Variants in SMS observed in about 807,000 individuals in gnomAD.
The protein encoded by SMS is spermidine aminopropyltransferase.
A neutral mutation model predicts 33.0 loss-of-function variants in SMS; 3 were observed. The ratio of observed to expected loss-of-function variants is 0.09; its 90% CI spans 0.04 to 0.23. SMS has a LOEUF of 0.23. Ranked by LOEUF, SMS falls within the 10% of genes least tolerant of loss-of-function variation. The probability of loss-of-function intolerance (pLI) is 1.00; values close to 1 mark genes in which losing one functional copy is unlikely to be tolerated. For synonymous variants in SMS, 103 were observed against 112.2 expected, an observed-to-expected ratio of 0.92 and a Z score of 0.52; for missense variants, 117 against 288.6, an observed-to-expected ratio of 0.41 and a Z score of 4.31.
intron 1 of SMS, among the ~76,000 whole-genome samples, chrX:21,951,943 A>C (rs1922631947): frequency 8.9e-6 from 1 of 111,838 alleles, no homozygotes; most frequent in Middle Eastern, 4.6e-3. Flanking sequence ...CAACTGTGAT[A>C]CTGTCACAAG....
intron 1 of SMS, among the ~76,000 whole-genome samples, chrX:21,949,895 G>A (rs866823736): frequency 9.0e-6 from 1 of 110,538 alleles, no homozygotes; most frequent in South Asian, 3.9e-4. Flanking sequence ...GCTGATTCGG[G>A]ATTTCCAGAT....
At chrX:21,983,030 G>T (rs1925075285) in intron 7 of SMS, among the ~76,000 whole-genome samples, 1 of 111,041 alleles carries the variant, frequency 9.0e-6, no homozygotes, top group Non-Finnish European at 1.9e-5. Flanking sequence ...GGGAATTGTG[G>T]TGAACTTTTT....
intron 7 of SMS, among the ~76,000 whole-genome samples, chrX:21,983,590 C>G (rs1925129503): frequency 1.8e-5 from 2 of 111,567 alleles, no homozygotes; most frequent in African/African-American, 6.5e-5. Flanking sequence ...TTTATTGACT[C>G]TGATGGTGGG....
At chrX:21,969,959 A>G (rs1924014182) in intron 2 of SMS, among the ~76,000 whole-genome samples, 1 of 112,247 alleles carries the variant, frequency 8.9e-6, no homozygotes, top group Non-Finnish European at 1.9e-5. Flanking sequence ...AATTACAGGC[A>G]CTCACCACCA....
rs1045683511 is a variant in SMS at position 21,979,042 on chromosome X, A to C, written c.750+76A>C. The C allele has an allele frequency of 8.3e-6, 6 of 720,080 alleles. No homozygotes were observed. In the African/African-American group the frequency reaches 1.1e-4, roughly 13 times the overall value. 59.3% of individuals were successfully genotyped at this position (720,080 alleles called of 1,213,427 possible). ...ATTGATCAGAATTGTGCCTTATTAA[A>C]ACAGCTTTTAGTATAGTTGGTTGAG... On this transcript the variant is annotated intron_variant, in intron 7 of 10. Coordinates refer to ENST00000404933, the MANE Select transcript of SMS (RefSeq NM_004595.5).
chrX:21,978,752 T>G (rs778781155), intron 6 of SMS, 125 bp from the exon 7 acceptor site: 20 of 553,384 alleles, frequency 3.6e-5, no homozygotes, highest in Admixed American at 7.1e-5. Flanking sequence ...TCATTCATCA[T>G]TTTGTTAAAT....
At chrX:21,973,233 C>T (rs758781599) in intron 4 of SMS, among the ~76,000 whole-genome samples, 2 of 112,131 alleles carry the variant, frequency 1.8e-5, no homozygotes, top group East Asian at 5.6e-4. Context: ...GACTTCAGTT[C>T]GAGACCAGCC....
rs772346957 is a variant in SMS at position 21,957,182 on chromosome X, T to C, written c.50-10014T>C. Among the ~76,000 whole-genome samples the C allele has an allele frequency of 1.2e-4, 13 of 107,615 alleles. No individual in the cohort carries two copies. The South Asian group carries it at 5.4e-3, about 45-fold the overall frequency. The allele number at this position is 107,615 out of a possible 115,157, so 93.5% of individuals were successfully genotyped here. ...TTTTTTTTTTTTTTGCATAAGAATGTATGTATTAGTTTTCTATTGCTGTAC... is the reference window on the plus strand; with the variant it reads ...TTTTTTTTTTTTTTGCATAAGAATGCATGTATTAGTTTTCTATTGCTGTAC... On this transcript the variant is annotated intron_variant, in intron 1 of 10. Coordinates refer to ENST00000404933, the MANE Select transcript of SMS (RefSeq NM_004595.5).
chrX:21,945,138 C>G (rs1375207996), intron 1 of SMS, among the ~76,000 whole-genome samples: 1 of 111,813 alleles, frequency 8.9e-6, no homozygotes, highest in Non-Finnish European at 1.9e-5. Flanking sequence ...CTTTTGAAGG[C>G]AGACCTCCAC....
In SMS at chrX:21,952,159, A is replaced by T. The variant is rs767135308; in HGVS notation, c.49+11286A>T. Among the ~76,000 whole-genome samples, 4 of 111,873 alleles carry T rather than the reference A, an allele frequency of 3.6e-5. No homozygotes were observed. The East Asian group carries it at 1.1e-3, about 31-fold the overall frequency. ...GGCTATACTTTGGTTACCCTTGAAT[A>T]GCAGCTGTGAGAACAGACATCCTTG... On this transcript the variant is annotated intron_variant, in intron 1 of 10. Transcript: ENST00000404933.
intron 1 of SMS, among the ~76,000 whole-genome samples, chrX:21,964,047 C>G (rs769987977): frequency 9.6e-6 from 1 of 104,520 alleles, no homozygotes; most frequent in Admixed American, 1.0e-4. Flanking sequence ...TTTATCTTAC[C>G]AAGTTTGAAA....
intron 4 of SMS, among the ~76,000 whole-genome samples, chrX:21,972,916 C>CAAAA (rs981181175): frequency 7.6e-5 from 3 of 39,566 alleles, no homozygotes; most frequent in East Asian, 8.5e-4. Flanking sequence ...GAGACTGTCT[C>CAAAA]AAAAAAAAAA....
chrX:21,959,020 C>T (rs1011297258), intron 1 of SMS, among the ~76,000 whole-genome samples: 3 of 112,592 alleles, frequency 2.7e-5, no homozygotes, highest in African/African-American at 9.7e-5. Flanking sequence ...AAGTTTGGGT[C>T]GTTTCTACTT....
chrX:21,978,266 T>G (rs1473287999), intron 6 of SMS, 152 bp downstream of exon 6: 1 of 544,034 alleles, frequency 1.8e-6, no homozygotes, highest in Non-Finnish European at 3.2e-6. Context: ...AGTACCCTTT[T>G]ATGTGGCCAT....
At chrX:21,949,986 G>A (rs1428982019) in intron 1 of SMS, among the ~76,000 whole-genome samples, 16 of 111,408 alleles carry the variant, frequency 1.4e-4, no homozygotes, top group Non-Finnish European at 5.7e-5. Context: ...TCGGTCCCAA[G>A]CATTTTGGAT....
At chrX:21,942,031 G>A (rs1266076889) in intron 1 of SMS, among the ~76,000 whole-genome samples, 3 of 108,381 alleles carry the variant, frequency 2.8e-5, no homozygotes, top group Non-Finnish European at 5.7e-5. Context: ...GTCGTGGGGG[G>A]TGGGAGTCGC....
intron 1 of SMS, among the ~76,000 whole-genome samples, chrX:21,945,102 A>AT (rs1489319461): frequency 2.7e-5 from 3 of 111,644 alleles, no homozygotes; most frequent in Non-Finnish European, 5.7e-5. Flanking sequence ...TCCTATGTCC[A>AT]TTTTTTTCCC....
intron 1 of SMS, among the ~76,000 whole-genome samples, chrX:21,958,763 G>A (rs950799716): frequency 1.8e-5 from 2 of 112,504 alleles, no homozygotes; most frequent in Non-Finnish European, 1.9e-5. Context: ...CGCAACCTCC[G>A]CCTCTCGGGT....
At chrX:21,954,347 G>A (rs1174420090) in intron 1 of SMS, among the ~76,000 whole-genome samples, 1 of 111,679 alleles carries the variant, frequency 9.0e-6, no homozygotes, top group Non-Finnish European at 1.9e-5. Context: ...GCTTTACCAC[G>A]TGGCCCTTTA....
Sources: gnomAD v4.1 joint callset for allele counts (sites outside exome capture counted in the v4.1 genomes callset) on GRCh38, gnomAD v4.1.1 for gene constraint, MANE v1.5 for transcripts, NCBI Gene and HGNC (gene_info 2026-07-23, HGNC 2026-07-21) for gene names.